LHFPL6: variants seen among roughly 807,000 people sequenced by gnomAD.
The protein encoded by LHFPL6 is LHFPL tetraspan subfamily member 6.
A neutral mutation model predicts 20.6 loss-of-function variants in LHFPL6; 9 were observed. The ratio of observed to expected loss-of-function variants is 0.44; its 90% CI spans 0.26 to 0.76. The LOEUF (loss-of-function observed/expected upper bound fraction) is 0.76, where lower values mean the gene tolerates loss of function less well. LHFPL6 is among the 30% of genes least tolerant of loss of function. The probability of loss-of-function intolerance (pLI) is 0.20; values close to 1 mark genes in which losing one functional copy is unlikely to be tolerated. For missense variants in LHFPL6, 218 were observed against 253.5 expected (o/e 0.86, Z 0.95); for synonymous variants, 105 against 98.7 (o/e 1.06, Z -0.38).
intron 2 of LHFPL6, among the ~76,000 whole-genome samples, chr13:39,525,089 T>C (rs1039438919): frequency 6.6e-6 from 1 of 152,168 alleles, no homozygotes; most frequent in Admixed American, 6.5e-5. Flanking sequence ...CTATGATAAA[T>C]GCTCAGGGCG....
At position 39,477,667 on chromosome 13, in the gene LHFPL6, C is replaced by T. The variant is rs565049628; in HGVS notation, c.386-99141G>A. On this transcript the variant is annotated intron_variant, in intron 2 of 3. Transcript: ENST00000379589. ...GTTTGCCAGTGAATAACCTGTATCT[C>T]CTCCCTACATAAGGAGATAAAACAT... Among the ~76,000 whole-genome samples the T allele has an allele frequency of 3.3e-5, 5 of 152,268 alleles. No individual in the cohort carries two copies. In the South Asian group the frequency reaches 1.0e-3, roughly 32 times the overall value.
intron 2 of LHFPL6, among the ~76,000 whole-genome samples, chr13:39,510,938 T>C (rs1489523064): frequency 6.6e-6 from 1 of 151,884 alleles, no homozygotes; most frequent in Non-Finnish European, 1.5e-5. Context: ...AGTGGCACCA[T>C]CTCAGCTCAC....
chr13:39,460,167 G>A (rs1395249968), intron 2 of LHFPL6, among the ~76,000 whole-genome samples: 1 of 152,136 alleles, frequency 6.6e-6, no homozygotes, highest in Non-Finnish European at 1.5e-5. Context: ...CACACCATAC[G>A]ATGCTTAGTA....
chr13:39,568,238 A>T (rs767662057), intron 2 of LHFPL6, among the ~76,000 whole-genome samples: 37 of 151,780 alleles, frequency 2.4e-4, no homozygotes, highest in Non-Finnish European at 4.3e-4. Flanking sequence ...TACTTCTTAC[A>T]AAATGTTGAA....
intron 2 of LHFPL6, among the ~76,000 whole-genome samples, chr13:39,569,947 T>C (rs897263515): frequency 6.6e-6 from 1 of 152,208 alleles, no homozygotes; most frequent in Non-Finnish European, 1.5e-5. Flanking sequence ...TGACTCTGAC[T>C]GTCCAGAAGG....
intron 2 of LHFPL6, among the ~76,000 whole-genome samples, chr13:39,521,902 T>A (rs1870118444): frequency 6.6e-6 from 1 of 152,150 alleles, no homozygotes; most frequent in South Asian, 2.1e-4. Flanking sequence ...GGAAAACCAA[T>A]TAGTGACGTG....
chr13:39,368,419 T>A (rs1374982341), intron 3 of LHFPL6, among the ~76,000 whole-genome samples: 4 of 151,898 alleles, frequency 2.6e-5, no homozygotes, highest in African/African-American at 9.7e-5. Context: ...CTGTCTCTAT[T>A]AAAAATACAA....
At chr13:39,435,934 A>G (rs1871946482) in intron 2 of LHFPL6, among the ~76,000 whole-genome samples, 1 of 152,066 alleles carries the variant, frequency 6.6e-6, no homozygotes, top group Admixed American at 6.6e-5. Flanking sequence ...TTCACAAAAA[A>G]CTGGAAAACA....
chr13:39,566,216 A>C (rs764618166), intron 2 of LHFPL6, among the ~76,000 whole-genome samples: 4 of 152,192 alleles, frequency 2.6e-5, no homozygotes, highest in Non-Finnish European at 5.9e-5. Context: ...AGAAGTTGGA[A>C]ATTGTATTTA....
At chr13:39,348,168 G>A (rs1004856892) in intron 3 of LHFPL6, among the ~76,000 whole-genome samples, 5 of 152,160 alleles carry the variant, frequency 3.3e-5, no homozygotes, top group South Asian at 2.1e-4. Context: ...TCAGGGTCTC[G>A]TAAGTGGCAG....
At chr13:39,567,660 A>G (rs914082914) in intron 2 of LHFPL6, among the ~76,000 whole-genome samples, 1 of 151,930 alleles carries the variant, frequency 6.6e-6, no homozygotes, top group Non-Finnish European at 1.5e-5. Flanking sequence ...AAACACATAA[A>G]CCATTCCTAG....
intron 1 of LHFPL6, among the ~76,000 whole-genome samples, 174 bp downstream of exon 1, chr13:39,602,709 C>A (rs909412490): frequency 1.3e-5 from 2 of 152,200 alleles, no homozygotes; most frequent in African/African-American, 2.4e-5. Context: ...AAGGCAGCAC[C>A]CCCCGGAGGC....
chr13:39,578,289 A>C (rs1872179280), intron 2 of LHFPL6, among the ~76,000 whole-genome samples: 1 of 152,192 alleles, frequency 6.6e-6, no homozygotes, highest in Admixed American at 6.5e-5. Flanking sequence ...AATCAGCATA[A>C]AGCAACAGCC....
chr13:39,347,860 T>C (rs565724359), intron 3 of LHFPL6, among the ~76,000 whole-genome samples: 1 of 152,362 alleles, frequency 6.6e-6, no homozygotes, highest in African/African-American at 2.4e-5. Flanking sequence ...ACTGGGCTCA[T>C]AACACAGAAT....
At chr13:39,355,577 A>G (rs551198298) in intron 3 of LHFPL6, among the ~76,000 whole-genome samples, 2 of 152,336 alleles carry the variant, frequency 1.3e-5, no homozygotes, top group South Asian at 4.1e-4. Context: ...CCCACTTAGA[A>G]GGTACAGAGT....
intron 3 of LHFPL6, among the ~76,000 whole-genome samples, chr13:39,347,005 G>A (rs9285131): frequency 0.56 from 84,339 of 150,386 alleles, 24,451 homozygotes; most frequent in East Asian, 0.66. Context: ...ACTTGAACCC[G>A]GGAGGCGGAG....
intron 2 of LHFPL6, among the ~76,000 whole-genome samples, chr13:39,480,846 CA>C (rs1319762384): frequency 6.6e-6 from 1 of 151,792 alleles, no homozygotes; most frequent in Non-Finnish European, 1.5e-5. Context: ...ATTTTAAGGT[CA>C]AAAAATGGTA....
At chr13:39,426,936 T>C (rs1326673118) in intron 2 of LHFPL6, among the ~76,000 whole-genome samples, 1 of 152,148 alleles carries the variant, frequency 6.6e-6, no homozygotes, top group Non-Finnish European at 1.5e-5. Context: ...TTTTTGTATA[T>C]GCTGTGAGAT....
At chr13:39,413,756 C>T (rs1197046301) in intron 2 of LHFPL6, among the ~76,000 whole-genome samples, 4 of 152,134 alleles carry the variant, frequency 2.6e-5, no homozygotes, top group Non-Finnish European at 5.9e-5. Flanking sequence ...AAGCTGAAGA[C>T]ACCATGTAAA....
Sources: gnomAD v4.1 joint callset for allele counts (sites outside exome capture counted in the v4.1 genomes callset) on GRCh38, gnomAD v4.1.1 for gene constraint, MANE v1.5 for transcripts, NCBI Gene and HGNC (gene_info 2026-07-23, HGNC 2026-07-21) for gene names.